Variants in FAM20C observed in about 807,000 individuals in gnomAD.
FAM20C encodes FAM20C golgi associated secretory pathway kinase.
Under a neutral mutation model 51.5 loss-of-function variants are expected in FAM20C, and 40 were observed. The observed-to-expected ratio is 0.78, with a 90% CI of 0.60 to 1.01. FAM20C has a LOEUF of 1.01. FAM20C is among the 50% of genes least tolerant of loss of function. FAM20C has a pLI of 0.00. For synonymous variants in FAM20C, 406 were observed against 380.6 expected (o/e 1.07, Z -0.78); for missense variants, 861 against 844.7 (o/e 1.02, Z -0.24).
At chr7:211,704 G>A (rs28642680) in intron 3 of FAM20C, among the ~76,000 whole-genome samples, 2,610 of 152,306 alleles carry the variant, frequency 0.017, 72 homozygotes, top group African/African-American at 0.059. Context: ...GGGAGGTGGG[G>A]GCCGGGTTAC....
intron 3 of FAM20C, among the ~76,000 whole-genome samples, chr7:229,761 C>T (rs1787587495): frequency 6.6e-6 from 1 of 152,220 alleles, no homozygotes; most frequent in Non-Finnish European, 1.5e-5. Context: ...TGGTATTAAA[C>T]AGCTTAATAT....
chr7:193,160 G>C lies in FAM20C; in HGVS notation c.-40G>C, dbSNP rs1381735702. 6 of 1,425,908 alleles carry C rather than the reference G, an allele frequency of 4.2e-6. No individual in the cohort carries two copies. The highest frequency in any genetic ancestry group is 2.8e-6 in the Non-Finnish European group (3 of 1,082,502). The allele number at this position is 1,425,908 out of a possible 1,614,324, so 88.3% of individuals were successfully genotyped here. On this transcript the variant is annotated 5_prime_UTR_variant, in exon 1 of 10. Transcript: ENST00000313766. ...CCCAGCTGCAGCTAGAGGGGCGCGC[G>C]GGCAGAACGCGCTCCAGGCCCGGGC...
rs1788251654 is a variant in FAM20C, at chr7:248,300, C to T, written c.957-15C>T. The T allele has an allele frequency of 1.3e-6, 2 of 1,530,068 alleles. No homozygotes were observed. Among genetic ancestry groups the T allele is most frequent in the Non-Finnish European group, 1.8e-6 (2 of 1,141,016 alleles). The allele number at this position is 1,530,068 out of a possible 1,614,324, so 94.8% of individuals were successfully genotyped here. ...CGCACAGAGCACAGACCATTCCCCG[C>T]CCGTTTCTTGCCAGGATCCTGGACT... On this transcript the variant is annotated splice_polypyrimidine_tract_variant and intron_variant, in intron 4 of 9. Coordinates refer to ENST00000313766, the MANE Select transcript of FAM20C (RefSeq NM_020223.4).
At chr7:234,359 C>T (rs1366826572) in intron 3 of FAM20C, among the ~76,000 whole-genome samples, 3 of 152,240 alleles carry the variant, frequency 2.0e-5, no homozygotes, top group Non-Finnish European at 2.9e-5. Flanking sequence ...TTGCTGCCCA[C>T]GACTGAGGCT....
At chr7:240,447 A>T (rs912425658) in intron 3 of FAM20C, among the ~76,000 whole-genome samples, 3 of 135,870 alleles carry the variant, frequency 2.2e-5, no homozygotes, top group Admixed American at 6.8e-5. Flanking sequence ...TAAGGATGAT[A>T]ATGATGGTGG....
At chr7:197,932 C>A (rs543225010) in intron 2 of FAM20C, among the ~76,000 whole-genome samples, 68 of 152,310 alleles carry the variant, frequency 4.5e-4, no homozygotes, top group African/African-American at 1.6e-3. Flanking sequence ...CCAGCTGTCC[C>A]GGGGCAGTGG....
chr7:252,669 C>G (rs1409034721), intron 5 of FAM20C, among the ~76,000 whole-genome samples: 1 of 152,214 alleles, frequency 6.6e-6, no homozygotes, highest in African/African-American at 2.4e-5. Context: ...GTGGCCAAGG[C>G]CAGTGCTCGG....
At chr7:253,199 A>G (rs1315486354) in intron 5 of FAM20C, among the ~76,000 whole-genome samples, 1 of 152,154 alleles carries the variant, frequency 6.6e-6, no homozygotes, top group Non-Finnish European at 1.5e-5. Flanking sequence ...GCCCTAAGTA[A>G]CAGTGTCCGC....
At chr7:253,051 C>T (rs540696713) in intron 5 of FAM20C, among the ~76,000 whole-genome samples, 60 of 152,360 alleles carry the variant, frequency 3.9e-4, no homozygotes, top group Non-Finnish European at 5.3e-4. Flanking sequence ...TCATCCGCTT[C>T]GCCTTTTTTC....
chr7:212,945 C>G (rs1167549809), intron 3 of FAM20C, among the ~76,000 whole-genome samples: 1 of 149,854 alleles, frequency 6.7e-6, no homozygotes, highest in Non-Finnish European at 1.5e-5. Flanking sequence ...CTTCGCCATT[C>G]TGTCATCACT....
In FAM20C at chr7:233,794, G is replaced by A. The variant is rs1195660628; in HGVS notation, c.864-12621G>A. Among the ~76,000 whole-genome samples the A allele has an allele frequency of 2.0e-5, 3 of 152,202 alleles. 1 individual carries two copies. The highest frequency in any genetic ancestry group is 4.1e-4 in the South Asian group (2 of 4,832). ...CAGATGCGGACAACTTTGGGGGACCGTTATTCTGCCAGCCACGAAAGGCCT... is the reference window on the plus strand; with the variant it reads ...CAGATGCGGACAACTTTGGGGGACCATTATTCTGCCAGCCACGAAAGGCCT... On this transcript the variant is annotated intron_variant, in intron 3 of 9. Transcript: ENST00000313766.
chr7:255,050 G>A (rs1788538521), intron 5 of FAM20C, among the ~76,000 whole-genome samples: 1 of 152,232 alleles, frequency 6.6e-6, no homozygotes, highest in African/African-American at 2.4e-5. Context: ...GTGCTGCTGT[G>A]AGCATTCGTG....
intron 5 of FAM20C, among the ~76,000 whole-genome samples, chr7:254,912 G>A (rs1788531443): frequency 6.6e-6 from 1 of 150,960 alleles, no homozygotes; most frequent in Non-Finnish European, 1.5e-5. Context: ...TTCAGTGAGG[G>A]CTTCATTCCT....
chr7:197,835 C>A (rs890275798), intron 2 of FAM20C, among the ~76,000 whole-genome samples: 2 of 152,218 alleles, frequency 1.3e-5, no homozygotes, highest in Admixed American at 1.3e-4. Context: ...GTGGGGCCCC[C>A]TGGGACCTGG....
intron 5 of FAM20C, among the ~76,000 whole-genome samples, chr7:250,808 C>G (rs988887339): frequency 3.3e-5 from 5 of 152,234 alleles, no homozygotes; most frequent in African/African-American, 1.2e-4. Context: ...TTCTTATCCA[C>G]GTCTTTTTAC....
At chr7:213,806 C>T (rs569482267) in intron 3 of FAM20C, among the ~76,000 whole-genome samples, 17 of 152,246 alleles carry the variant, frequency 1.1e-4, no homozygotes, top group African/African-American at 3.6e-4. Context: ...CCAGTTTCTC[C>T]ACCTCCTCGT....
rs1157379597 is a variant in FAM20C, at chr7:194,027, G to A, written c.605+223G>A. The A allele has an allele frequency of 4.5e-6, 3 of 664,774 alleles. No homozygotes were observed. The African/African-American group carries it at 5.6e-5, about 12-fold the overall frequency. 41.2% of individuals were successfully genotyped at this position (664,774 alleles called of 1,614,324 possible). ...GCTGGTCCGGGAGCTGTGCCCTGTG[G>A]CTGCTGGTGAGGAAGCCAGACCCCG... On this transcript the variant is annotated intron_variant, in intron 1 of 9. Transcript: ENST00000313766.
chr7:253,966 G>C (rs1788498741), intron 5 of FAM20C, among the ~76,000 whole-genome samples: 1 of 152,234 alleles, frequency 6.6e-6, no homozygotes, highest in Non-Finnish European at 1.5e-5. Context: ...ACTGTGGGCT[G>C]CCGACTAATC....
chr7:249,117 C>G (rs1788295107), intron 5 of FAM20C, among the ~76,000 whole-genome samples: 1 of 152,240 alleles, frequency 6.6e-6, no homozygotes, highest in African/African-American at 2.4e-5. Context: ...CCTAGCCTCT[C>G]CAGGAAGCCT....
Sources: allele counts gnomAD v4.1 joint callset (sites outside exome capture counted in the v4.1 genomes callset), GRCh38; gene constraint gnomAD v4.1.1; transcripts MANE v1.5; gene names NCBI Gene and HGNC (gene_info 2026-07-23, HGNC 2026-07-21).